The following CEBPG variants were observed in gnomAD, a reference collection of about 807,000 sequenced individuals.
The protein encoded by CEBPG is CCAAT enhancer binding protein gamma.
In CEBPG, 6 loss-of-function variants were observed where a neutral mutation model predicts 11.1. The ratio of observed to expected loss-of-function variants is 0.54; its 90% CI spans 0.30 to 1.07. The LOEUF is 1.07. Ranked by LOEUF, CEBPG falls within the 50% of genes least tolerant of loss-of-function variation. The pLI, the probability that CEBPG is intolerant of heterozygous loss-of-function variation, is 0.07. For synonymous variants in CEBPG, 66 were observed against 71.0 expected (o/e 0.93, Z 0.36); for missense variants, 161 against 187.4 (o/e 0.86, Z 0.82).
At chr19:33,377,994 C>T (rs916948598) in intron 1 of CEBPG, among the ~76,000 whole-genome samples, 31 of 152,312 alleles carry the variant, frequency 2.0e-4, no homozygotes, top group African/African-American at 7.0e-4. Flanking sequence ...GTGATTTTAG[C>T]AGTTTTGTGA....
chr19:33,381,627 G>A lies in CEBPG; in HGVS notation c.*1935G>A, dbSNP rs1276929473. Reference sequence around the variant, plus strand: ...AATTAACTTAATTGGAGATGCATTAGGTCACTTGAATGTATAAGCAAGCAC... The same window carrying A: ...AATTAACTTAATTGGAGATGCATTAAGTCACTTGAATGTATAAGCAAGCAC... On this transcript the variant is annotated 3_prime_UTR_variant, in exon 2 of 2. Transcript: ENST00000284000. 1 of 167,086 alleles carries A rather than the reference G, an allele frequency of 6.0e-6. No homozygotes were observed. The highest frequency in any genetic ancestry group is 1.5e-5 in the Non-Finnish European group (1 of 68,118). 10.4% of individuals were successfully genotyped at this position (167,086 alleles called of 1,614,324 possible).
Position 33,379,353 on chromosome 19 carries a change from C to T in CEBPG, c.114C>T (p.Gly38=). The T allele has an allele frequency of 9.9e-6, 16 of 1,613,940 alleles. No individual in the cohort carries two copies. Among genetic ancestry groups the T allele is most frequent in the Non-Finnish European group, 1.4e-5 (16 of 1,179,988 alleles). ...AGGTTCCTCAGCTGGTGCCTGCTGG[C>T]CCTGGGGGAGGAGGCAAAGCTGTGG... ...LQQVPQLVPA[G]PGGGGKAVAP... is the part of the protein sequence containing the mutation. Residue 38 remains glycine, a synonymous_variant, in exon 2 of 2, where the codon GGC becomes GGT. Coordinates refer to ENST00000284000, the MANE Select transcript of CEBPG (RefSeq NM_001806.4).
intron 1 of CEBPG, chr19:33,374,737 T>G (rs969225928): frequency 2.6e-5 from 4 of 152,198 alleles, no homozygotes; most frequent in African/African-American, 9.7e-5. Context: ...GTTTGAAGTT[T>G]ATACTGTAAT....
Position 33,380,010 on chromosome 19 carries a change from A to G in CEBPG, c.*318A>G, listed in dbSNP as rs1967965931. 1 of 228,572 alleles carries G rather than the reference A, an allele frequency of 4.4e-6. No individual in the cohort carries two copies. Among genetic ancestry groups the G allele is most frequent in the African/African-American group, 2.3e-5 (1 of 43,584 alleles). 14.2% of individuals were successfully genotyped at this position (228,572 alleles called of 1,614,324 possible). A position where few individuals can be genotyped will look rare whatever the true frequency, so the allele number is the denominator to read the frequency against. On this transcript the variant is annotated 3_prime_UTR_variant, in exon 2 of 2. Coordinates refer to ENST00000284000, the MANE Select transcript of CEBPG (RefSeq NM_001806.4). Reference sequence around the variant, plus strand: ...CTTCCCAAGAAATGCTTCTTTTTTAAGTTGACAAAAGGAATGGGGAACTGG... The same window carrying G: ...CTTCCCAAGAAATGCTTCTTTTTTAGGTTGACAAAAGGAATGGGGAACTGG...
chr19:33,376,059 GT>G (rs968101243), intron 1 of CEBPG, among the ~76,000 whole-genome samples: 14 of 149,540 alleles, frequency 9.4e-5, no homozygotes, highest in Admixed American at 9.3e-4. Context: ...TAGATGGGAA[GT>G]TTTTTTTTTG....
At chr19:33,377,123 C>G (rs897243350) in intron 1 of CEBPG, among the ~76,000 whole-genome samples, 3 of 152,224 alleles carry the variant, frequency 2.0e-5, no homozygotes, top group Admixed American at 6.5e-5. Flanking sequence ...TTCCCTGTTC[C>G]TGTATCTTTG....
chr19:33,379,416 T>A lies in CEBPG; in HGVS notation c.177T>A (p.Asp59Glu). The A allele has an allele frequency of 6.2e-7, 1 of 1,613,490 alleles. No homozygotes were observed. The highest frequency in any genetic ancestry group is 8.5e-7 in the Non-Finnish European group (1 of 1,179,934). ...AGAGCAAAAAGAGTTCGCCCATGGATCGAAACAGTGACGAGTATCGGCAAC... is the reference window on the plus strand; with the variant it reads ...AGAGCAAAAAGAGTTCGCCCATGGAACGAAACAGTGACGAGTATCGGCAAC... ...SKQSKKSSPM[D>E]RNSDEYRQRR... The change falls in exon 2 of 2, where the codon GAT becomes GAA. Residue 59 changes from aspartate to glutamate, a missense_variant. Transcript: ENST00000284000.
chr19:33,380,402 T>A lies in CEBPG; in HGVS notation c.*710T>A, dbSNP rs1297728291. ...TAAAACTAAAGCATAGGAATTATGT[T>A]TTTGAGATACCTTTGGGCTTAGATT... On this transcript the variant is annotated 3_prime_UTR_variant, in exon 2 of 2. Coordinates refer to ENST00000284000, the MANE Select transcript of CEBPG (RefSeq NM_001806.4). 1 of 166,760 alleles carries A rather than the reference T, an allele frequency of 6.0e-6. No individual in the cohort carries two copies. The highest frequency in any genetic ancestry group is 2.4e-5 in the African/African-American group (1 of 41,470). 10.3% of individuals were successfully genotyped at this position (166,760 alleles called of 1,614,324 possible). A position where few individuals can be genotyped will look rare whatever the true frequency, so the allele number is the denominator to read the frequency against.
Position 33,379,348 on chromosome 19 carries a change from G to T in CEBPG, c.109G>T (p.Ala37Ser), listed in dbSNP as rs754770407. 2.5e-6 allele frequency: 4 copies of T among 1,614,004 alleles called. No homozygotes were observed. In the Admixed American group the frequency reaches 6.7e-5, roughly 27 times the overall value. ...GLQQVPQLVP[A>S]GPGGGGKAVA... ...ACAGCAGGTTCCTCAGCTGGTGCCT[G>T]CTGGCCCTGGGGGAGGAGGCAAAGC... is the stretch of plus-strand genomic sequence containing the variant. Residue 37 changes from alanine to serine, a missense_variant, in exon 2 of 2, where the codon GCT becomes TCT. Transcript: ENST00000284000.
At chr19:33,378,312 C>T (rs1402756252) in intron 1 of CEBPG, among the ~76,000 whole-genome samples, 1 of 152,210 alleles carries the variant, frequency 6.6e-6, no homozygotes, top group Non-Finnish European at 1.5e-5. Context: ...TGGCCACAGG[C>T]ACGGCAGCTG....
At chr19:33,377,097 A>G (rs1967920496) in intron 1 of CEBPG, among the ~76,000 whole-genome samples, 1 of 152,234 alleles carries the variant, frequency 6.6e-6, no homozygotes. Flanking sequence ...TGAGTCAGGC[A>G]GAGGTGAAAA....
chr19:33,382,126 C>T lies in CEBPG; in HGVS notation c.*2434C>T, dbSNP rs1967997656. ...AGGTCCAGCATAGTTAGGAGTTAGG[C>T]TTTAGCATAAATTTCTAGCTGCATC... On this transcript the variant is annotated 3_prime_UTR_variant, in exon 2 of 2. Transcript: ENST00000284000. The T allele has an allele frequency of 6.0e-6, 1 of 167,104 alleles. No individual in the cohort carries two copies. The highest frequency in any genetic ancestry group is 2.1e-4 in the South Asian group (1 of 4,830). 10.4% of individuals were successfully genotyped at this position (167,104 alleles called of 1,614,324 possible).
At chr19:33,377,730 T>A (rs1214920418) in intron 1 of CEBPG, among the ~76,000 whole-genome samples, 1 of 152,200 alleles carries the variant, frequency 6.6e-6, no homozygotes, top group Non-Finnish European at 1.5e-5. Flanking sequence ...GAGGGATGCT[T>A]TTTGTCTTGC....
In CEBPG at chr19:33,379,235, C is replaced by T; in HGVS notation, c.-5C>T. The T allele has an allele frequency of 6.5e-7, 1 of 1,528,656 alleles. No homozygotes were observed. Among genetic ancestry groups the T allele is most frequent in the South Asian group, 1.3e-5 (1 of 76,680 alleles). 94.7% of individuals were successfully genotyped at this position (1,528,656 alleles called of 1,614,324 possible). ...TGTTCTGTGTTGGCAAGGGAGAGTG[C>T]CCAAATGAGCAAGATATCGCAGCAA... On this transcript the variant is annotated 5_prime_UTR_variant, in exon 2 of 2. Coordinates refer to ENST00000284000, the MANE Select transcript of CEBPG (RefSeq NM_001806.4).
intron 1 of CEBPG, among the ~76,000 whole-genome samples, chr19:33,377,489 G>C (rs1967925405): frequency 6.6e-6 from 1 of 152,174 alleles, no homozygotes; most frequent in Non-Finnish European, 1.5e-5. Context: ...TGATTGTTAA[G>C]ACAGTCTCAG....
rs1161353105 is a variant in CEBPG at position 33,379,725 on chromosome 19, C to T, written c.*33C>T. The T allele has an allele frequency of 3.2e-6, 5 of 1,558,016 alleles. No homozygotes were observed. Among genetic ancestry groups the T allele is most frequent in the Non-Finnish European group, 4.4e-6 (5 of 1,148,198 alleles). On this transcript the variant is annotated 3_prime_UTR_variant, in exon 2 of 2. Coordinates refer to ENST00000284000, the MANE Select transcript of CEBPG (RefSeq NM_001806.4). The stretch of plus-strand genomic sequence containing the variant: ...CCTTTCCAGACTTTAGAGCTTGTGG[C>T]TTGAATGTTAAAGGTGTGACCACCG...
At chr19:33,375,260 A>G (rs893556493) in intron 1 of CEBPG, among the ~76,000 whole-genome samples, 1 of 152,200 alleles carries the variant, frequency 6.6e-6, no homozygotes. Flanking sequence ...TCTTGGAGAG[A>G]TGGTTTCATC....
rs1222339089 is a variant in CEBPG at position 33,379,547 on chromosome 19, G to A, written c.308G>A (p.Arg103Gln). The change falls in exon 2 of 2, where the codon CGG (arginine) becomes CAG (glutamine). Residue 103 changes from arginine (R) to glutamine (Q), a missense_variant. By Grantham distance (43) the Arg-to-Gln change is conservative. Transcript: ENST00000284000. Reference sequence around the variant, plus strand: ...AATCAGCTCAAAGAAGAGAATGAACGGTTGGAAGCAAAAATCAAATTGCTG... The same window carrying A: ...AATCAGCTCAAAGAAGAGAATGAACAGTTGGAAGCAAAAATCAAATTGCTG... The part of the protein sequence containing the change: ...RVNQLKEENE[R>Q]LEAKIKLLTK... 2.5e-6 allele frequency: 4 copies of A among 1,613,796 alleles called. No homozygotes were observed. Among genetic ancestry groups the A allele is most frequent in the African/African-American group, 1.3e-5 (1 of 74,902 alleles).
rs1455908078 is a variant in CEBPG, at chr19:33,380,152, C to G, written c.*460C>G. Reference sequence around the variant, plus strand: ...TCTTCTAAATTATGTATTATAAATTCGTAGAGCTATAGAAAGCAATGAGTG... The same window carrying G: ...TCTTCTAAATTATGTATTATAAATTGGTAGAGCTATAGAAAGCAATGAGTG... On this transcript the variant is annotated 3_prime_UTR_variant, in exon 2 of 2. Coordinates refer to ENST00000284000, the MANE Select transcript of CEBPG (RefSeq NM_001806.4). 1 of 167,834 alleles carries G rather than the reference C, an allele frequency of 6.0e-6. No individual in the cohort carries two copies. The highest frequency in any genetic ancestry group is 2.4e-5 in the African/African-American group (1 of 41,380). The allele number at this position is 167,834 out of a possible 1,614,324, so 10.4% of individuals were successfully genotyped here. A position where few individuals can be genotyped will look rare whatever the true frequency, so the allele number is the denominator to read the frequency against.
Sources: gnomAD v4.1 joint callset for allele counts (sites outside exome capture counted in the v4.1 genomes callset) on GRCh38, gnomAD v4.1.1 for gene constraint, MANE v1.5 for transcripts, NCBI Gene and HGNC (gene_info 2026-07-23, HGNC 2026-07-21) for gene names.